Variants in HYCC1 observed in about 807,000 individuals in gnomAD.
HYCC1 encodes the protein hyccin.
At chr7:23,005,569 A>T in the HYCC1 span, among the ~76,000 whole-genome samples, 1 of 152,208 alleles carries the variant, frequency 6.6e-6, no homozygotes, top group African/African-American at 2.4e-5. Context: ...TTAGTAGCTT[A>T]ATCTACTACC....
chr7:22,896,786 C>A, the HYCC1 span, among the ~76,000 whole-genome samples: 2 of 152,170 alleles, frequency 1.3e-5, no homozygotes, highest in Non-Finnish European at 2.9e-5. Flanking sequence ...GTGTAAATCA[C>A]CCCTTATTAG....
the HYCC1 span, among the ~76,000 whole-genome samples, chr7:22,956,660 T>C: frequency 6.6e-6 from 1 of 151,824 alleles, no homozygotes; most frequent in Non-Finnish European, 1.5e-5. Context: ...ACCACTCTGG[T>C]GCGGGATGTT....
At chr7:22,971,677 C>CA in the HYCC1 span, among the ~76,000 whole-genome samples, 1,061 of 91,832 alleles carry the variant, frequency 0.012, 9 homozygotes, top group South Asian at 0.039. Flanking sequence ...CCCCATCTCA[C>CA]AAAAAAAAAA....
the HYCC1 span, among the ~76,000 whole-genome samples, chr7:22,976,043 T>C: frequency 1.3e-5 from 2 of 152,186 alleles, no homozygotes; most frequent in Non-Finnish European, 2.9e-5. Flanking sequence ...TTTGTGACTA[T>C]CAATTATAGG....
chr7:22,905,771 T>C, the HYCC1 span, among the ~76,000 whole-genome samples: 1 of 152,194 alleles, frequency 6.6e-6, no homozygotes, highest in African/African-American at 2.4e-5. Flanking sequence ...ATAAGTTGTT[T>C]GATAAAAATG....
the HYCC1 span, among the ~76,000 whole-genome samples, chr7:22,990,115 C>A: frequency 2.6e-5 from 4 of 152,186 alleles, no homozygotes; most frequent in East Asian, 7.7e-4. Context: ...CATTTCAAAT[C>A]TACATTAACT....
At chr7:23,013,811 A>G in the HYCC1 span, 2 of 388,062 alleles carry the variant, frequency 5.2e-6, no homozygotes, top group South Asian at 1.8e-5. Context: ...CCCCAGGGAC[A>G]AAGTCCCGGT....
At chr7:22,956,790 A>T in the HYCC1 span, among the ~76,000 whole-genome samples, 2,325 of 152,016 alleles carry the variant, frequency 0.015, 23 homozygotes, top group Non-Finnish European at 0.024. Flanking sequence ...CTAAAAAAAT[A>T]AAAATAAAAA....
chr7:23,001,411 G>T, the HYCC1 span, among the ~76,000 whole-genome samples: 1 of 152,058 alleles, frequency 6.6e-6, no homozygotes, highest in Non-Finnish European at 1.5e-5. Flanking sequence ...CCCTACCCAT[G>T]GCACCTAAAA....
At chr7:22,976,134 T>C in the HYCC1 span, 1 of 922,068 alleles carries the variant, frequency 1.1e-6, no homozygotes, top group Non-Finnish European at 1.8e-6. Context: ...AAAACAAAAA[T>C]AACTTAGGTA....
the HYCC1 span, among the ~76,000 whole-genome samples, chr7:22,958,150 C>T: frequency 6.6e-6 from 1 of 151,962 alleles, no homozygotes; most frequent in African/African-American, 2.4e-5. Context: ...ACAATGTGTT[C>T]AAGTAGGAAG....
chr7:23,002,136 G>GTATATA, the HYCC1 span, among the ~76,000 whole-genome samples: 148 of 76,536 alleles, frequency 1.9e-3, no homozygotes, highest in Non-Finnish European at 2.1e-3. Context: ...GGTAAAAATT[G>GTATATA]TATATATATA....
chr7:23,012,979 T>C, the HYCC1 span, among the ~76,000 whole-genome samples: 1 of 152,146 alleles, frequency 6.6e-6, no homozygotes, highest in Non-Finnish European at 1.5e-5. Flanking sequence ...GTGGAACAAA[T>C]TCCCCCTACC....
the HYCC1 span, among the ~76,000 whole-genome samples, chr7:22,981,858 G>C: frequency 6.6e-6 from 1 of 152,150 alleles, no homozygotes; most frequent in Non-Finnish European, 1.5e-5. Context: ...ACACATATTT[G>C]TCTGTGACAG....
the HYCC1 span, among the ~76,000 whole-genome samples, chr7:22,896,987 A>C: frequency 1.3e-4 from 19 of 151,924 alleles, no homozygotes; most frequent in African/African-American, 4.6e-4. Context: ...AAAGTGTAAG[A>C]GGGAGGCAAA....
chr7:23,003,230 T>C, the HYCC1 span, among the ~76,000 whole-genome samples: 2 of 151,738 alleles, frequency 1.3e-5, no homozygotes, highest in African/African-American at 4.8e-5. Flanking sequence ...ATTAAGGTGG[T>C]TAAATATCAT....
chr7:23,000,627 T>C, the HYCC1 span, among the ~76,000 whole-genome samples: 1 of 152,260 alleles, frequency 6.6e-6, no homozygotes, highest in African/African-American at 2.4e-5. Flanking sequence ...AAACGATCTC[T>C]CCTGTTATTT....
the HYCC1 span, among the ~76,000 whole-genome samples, chr7:22,989,676 T>C: frequency 2.6e-5 from 4 of 152,208 alleles, no homozygotes; most frequent in Non-Finnish European, 5.9e-5. Flanking sequence ...TTAAAATATG[T>C]AGAAAGCACT....
At chr7:23,000,930 T>C in the HYCC1 span, among the ~76,000 whole-genome samples, 1 of 152,182 alleles carries the variant, frequency 6.6e-6, no homozygotes, top group Non-Finnish European at 1.5e-5. Flanking sequence ...GTTTTTTTTT[T>C]TTTTATCAAA....
Sources: gnomAD v4.1 joint callset for allele counts (sites outside exome capture counted in the v4.1 genomes callset) on GRCh38, gnomAD v4.1.1 for gene constraint, MANE v1.5 for transcripts, NCBI Gene and HGNC (gene_info 2026-07-23, HGNC 2026-07-21) for gene names.